PTGES3: variants seen among roughly 807,000 people sequenced by gnomAD.
PTGES3 encodes the protein Hsp90 co-chaperone.
A neutral mutation model predicts 29.9 loss-of-function variants in PTGES3; 5 were observed. That is an observed-to-expected ratio of 0.17 (90% CI 0.09 to 0.35). The LOEUF (loss-of-function observed/expected upper bound fraction) is 0.35, where lower values mean the gene tolerates loss of function less well. PTGES3 is among the 10% of genes least tolerant of loss of function. The pLI is 1.00. For synonymous variants in PTGES3, 49 were observed against 57.8 expected (o/e 0.85, Z 0.69); for missense variants, 128 against 190.0 (o/e 0.67, Z 1.92).
intron 1 of PTGES3, among the ~76,000 whole-genome samples, chr12:56,685,053 T>C (rs1952758405): frequency 6.6e-6 from 1 of 151,728 alleles, no homozygotes; most frequent in African/African-American, 2.4e-5. Context: ...GCCCGGGAGG[T>C]AGAGGTTGCA....
intron 1 of PTGES3, among the ~76,000 whole-genome samples, chr12:56,685,190 C>A (rs994544698): frequency 2.0e-5 from 3 of 152,168 alleles, no homozygotes; most frequent in Admixed American, 6.6e-5. Flanking sequence ...CCATTAAAGG[C>A]TTCTTCCACT....
chr12:56,664,596 G>A, intron 7 of PTGES3, 98 bp from the exon 8 acceptor site: 3 of 1,410,608 alleles, frequency 2.1e-6, no homozygotes, highest in Non-Finnish European at 2.0e-6. Flanking sequence ...GAAATACATA[G>A]TTGCCCAATG....
chr12:56,673,330 T>A (rs967192238), intron 1 of PTGES3, among the ~76,000 whole-genome samples: 1 of 151,700 alleles, frequency 6.6e-6, no homozygotes, highest in South Asian at 2.1e-4. Flanking sequence ...TCTAGTCCTA[T>A]CAAAAATTAT....
At chr12:56,685,133 A>C (rs1325168895) in intron 1 of PTGES3, among the ~76,000 whole-genome samples, 2 of 152,122 alleles carry the variant, frequency 1.3e-5, no homozygotes, top group African/African-American at 4.8e-5. Flanking sequence ...ACAAGTTATC[A>C]ACAAAATAAA....
intron 5 of PTGES3, among the ~76,000 whole-genome samples, chr12:56,669,124 C>A (rs1277115548): frequency 6.7e-6 from 1 of 150,112 alleles, no homozygotes; most frequent in Non-Finnish European, 1.5e-5. Context: ...ATTCTCCTGC[C>A]TTAGCCTCCG....
intron 3 of PTGES3, 62 bp from the exon 4 acceptor site, chr12:56,671,909 G>A: frequency 9.7e-7 from 1 of 1,032,734 alleles, no homozygotes; most frequent in South Asian, 2.2e-5. Context: ...ATAGAAAATA[G>A]CTTGTCATTT....
chr12:56,679,992 G>A (rs578029320), intron 1 of PTGES3, among the ~76,000 whole-genome samples: 10 of 151,888 alleles, frequency 6.6e-5, no homozygotes, highest in Non-Finnish European at 1.3e-4. Context: ...TATGTTAATA[G>A]GAGAAAAAGA....
At chr12:56,669,446 G>A (rs1016793192) in intron 5 of PTGES3, among the ~76,000 whole-genome samples, 6 of 152,146 alleles carry the variant, frequency 3.9e-5, no homozygotes, top group Admixed American at 1.3e-4. Flanking sequence ...ACTGCACCCG[G>A]CTAATTTTTG....
At chr12:56,685,803 G>A (rs1188448188) in intron 1 of PTGES3, among the ~76,000 whole-genome samples, 4 of 116,258 alleles carry the variant, frequency 3.4e-5, no homozygotes, top group African/African-American at 1.4e-4. Context: ...TTGAGACGGA[G>A]TCTCCCTCTA....
intron 1 of PTGES3, among the ~76,000 whole-genome samples, chr12:56,681,455 G>A (rs986614049): frequency 2.1e-5 from 3 of 143,984 alleles, no homozygotes; most frequent in African/African-American, 2.6e-5. Flanking sequence ...GGAGAATGGC[G>A]TGAACCCGGG....
At chr12:56,677,220 C>CA (rs1220033300) in intron 1 of PTGES3, among the ~76,000 whole-genome samples, 1 of 147,794 alleles carries the variant, frequency 6.8e-6, no homozygotes, top group Non-Finnish European at 1.5e-5. Flanking sequence ...GCCTGGGCGA[C>CA]AGAGTGAGAC....
At chr12:56,667,427 C>T (rs1400403539) in intron 5 of PTGES3, among the ~76,000 whole-genome samples, 1 of 152,004 alleles carries the variant, frequency 6.6e-6, no homozygotes. Flanking sequence ...GGGAAAGGAC[C>T]TTAAAAAGAT....
chr12:56,674,620 A>ATTGAG (rs1952141007), intron 1 of PTGES3, among the ~76,000 whole-genome samples: 1 of 151,566 alleles, frequency 6.6e-6, no homozygotes, highest in African/African-American at 2.4e-5. Flanking sequence ...ATGTCAGGAG[A>ATTGAG]TTGAGACCAT....
chr12:56,664,666 G>A (rs146702882), intron 7 of PTGES3, 110 bp downstream of exon 7: 71,926 of 1,424,150 alleles, frequency 0.051, 2,168 homozygotes, highest in Non-Finnish European at 0.061. Context: ...ATTTATTCAA[G>A]GTCATAAAGA....
chr12:56,670,367 A>G lies in PTGES3; in HGVS notation c.286-3T>C. 4 of 1,594,320 alleles carry G rather than the reference A, an allele frequency of 2.5e-6. No individual in the cohort carries two copies. The highest frequency in any genetic ancestry group is 3.4e-6 in the Non-Finnish European group (4 of 1,161,918). Reference sequence around the variant, plus strand: ...AAGTCGACACTAAGCCAATTAAGCTATAAATCAATACAAATATCACCCTAA... The same window carrying G: ...AAGTCGACACTAAGCCAATTAAGCTGTAAATCAATACAAATATCACCCTAA... On this transcript the variant is annotated splice_polypyrimidine_tract_variant and splice_region_variant and intron_variant, in intron 4 of 7. Transcript: ENST00000262033.
chr12:56,686,428 C>T (rs1465647451), intron 1 of PTGES3, among the ~76,000 whole-genome samples: 3 of 152,076 alleles, frequency 2.0e-5, no homozygotes, highest in African/African-American at 7.2e-5. Flanking sequence ...GGCTGGAGTG[C>T]AATGGCATGA....
intron 4 of PTGES3, chr12:56,670,809 G>T (rs970775760): frequency 6.0e-6 from 1 of 166,514 alleles, no homozygotes; most frequent in Admixed American, 5.8e-5. Flanking sequence ...AGCACACAAA[G>T]AATAGACTAA....
intron 1 of PTGES3, among the ~76,000 whole-genome samples, chr12:56,683,206 C>T (rs149800068): frequency 1.1e-4 from 17 of 151,634 alleles, no homozygotes; most frequent in African/African-American, 2.9e-4. Context: ...AAAATTAGGC[C>T]AGATGCAGTG....
chr12:56,686,753 G>A, intron 1 of PTGES3: 1 of 397,004 alleles, frequency 2.5e-6, no homozygotes, highest in Non-Finnish European at 4.4e-6. Flanking sequence ...AACATGCTGT[G>A]CTCTAGAAGC....
Sources: gnomAD v4.1 joint callset for allele counts (sites outside exome capture counted in the v4.1 genomes callset) on GRCh38, gnomAD v4.1.1 for gene constraint, MANE v1.5 for transcripts, NCBI Gene and HGNC (gene_info 2026-07-23, HGNC 2026-07-21) for gene names.